Variants in DMD observed in about 807,000 individuals in gnomAD.
DMD encodes mutant dystrophin.
A neutral mutation model predicts 330.1 loss-of-function variants in DMD; 63 were observed. That is an observed-to-expected ratio of 0.19 (90% CI 0.16 to 0.24). The LOEUF is 0.24. Among genes scored for constraint, DMD ranks in the 10% least tolerant of loss-of-function variants. The probability of loss-of-function intolerance (pLI) is 1.00; values close to 1 mark genes in which losing one functional copy is unlikely to be tolerated. For missense variants in DMD, 3,344 were observed against 2,684.1 expected (o/e 1.25, Z -5.43); for synonymous variants, 1,223 against 959.8 (o/e 1.27, Z -5.07).
At chrX:32,016,501 TC>T (rs2095761785) in intron 44 of DMD, among the ~76,000 whole-genome samples, 1 of 111,833 alleles carries the variant, frequency 8.9e-6, no homozygotes, top group Non-Finnish European at 1.9e-5. Flanking sequence ...AGAGGCGGTA[TC>T]TAGCACATCT....
intron 51 of DMD, among the ~76,000 whole-genome samples, chrX:31,742,314 T>C (rs1448717507): frequency 8.8e-6 from 1 of 113,027 alleles, no homozygotes; most frequent in African/African-American, 3.2e-5. Flanking sequence ...GAGGTCTGGC[T>C]TTCAGCCTGT....
chrX:32,236,141 G>A (rs1400038160), intron 43 of DMD, among the ~76,000 whole-genome samples: 1 of 111,771 alleles, frequency 8.9e-6, no homozygotes, highest in African/African-American at 3.2e-5. Context: ...GTGAAGTGCT[G>A]AAAATCAGAC....
intron 50 of DMD, among the ~76,000 whole-genome samples, chrX:31,817,298 A>G (rs2092656175): frequency 8.9e-6 from 1 of 112,079 alleles, no homozygotes; most frequent in Non-Finnish European, 1.9e-5. Flanking sequence ...GAAGCATAAT[A>G]CAAATTAGAT....
Position 31,364,337 on chromosome X carries a change from T to C in DMD, c.9085-15703A>G, listed in dbSNP as rs142296114. ...TTTGGGCCATAAAGAGTCAAGCCCA[T>C]ACTTGACCAGTCTTTAAGCTCTCGG... On this transcript the variant is annotated intron_variant, in intron 60 of 78. Coordinates refer to ENST00000357033, the MANE Select transcript of DMD (RefSeq NM_004006.3). Among the ~76,000 whole-genome samples, 13,268 of 111,859 alleles carry C rather than the reference T, an allele frequency of 0.12. 835 individuals carry two copies. The highest frequency in any genetic ancestry group is 0.18 in the Non-Finnish European group (9,742 of 53,056).
rs186310244 is a variant in DMD, at chrX:32,577,932, A to G, written c.1603-4086T>C. Among the ~76,000 whole-genome samples the G allele has an allele frequency of 3.3e-3, 374 of 112,521 alleles. 1 individual carries two copies. The highest frequency in any genetic ancestry group is 0.011 in the African/African-American group (347 of 30,986). Reference sequence around the variant, plus strand: ...ATGCCATATGCACAAGTATAAATAGATAATACACGAAGTGCTTTAAATTTA... The same window carrying G: ...ATGCCATATGCACAAGTATAAATAGGTAATACACGAAGTGCTTTAAATTTA... On this transcript the variant is annotated intron_variant, in intron 13 of 78. Transcript: ENST00000357033.
At chrX:32,782,104 G>T (rs1169427703) in intron 7 of DMD, among the ~76,000 whole-genome samples, 1 of 111,320 alleles carries the variant, frequency 9.0e-6, no homozygotes, top group Non-Finnish European at 1.9e-5. Flanking sequence ...ACAATCTAAT[G>T]AAAACTTTGA....
intron 72 of DMD, among the ~76,000 whole-genome samples, chrX:31,172,716 CT>C (rs2040119445): frequency 9.0e-6 from 1 of 111,588 alleles, no homozygotes; most frequent in Non-Finnish European, 1.9e-5. Context: ...AAAAGCTTCC[CT>C]AACAATAAGT....
chrX:31,580,951 T>C (rs1340932775), intron 55 of DMD, among the ~76,000 whole-genome samples: 2 of 112,358 alleles, frequency 1.8e-5, no homozygotes, highest in Non-Finnish European at 3.8e-5. Flanking sequence ...TCAAGAATGT[T>C]GTTAAATGAG....
chrX:32,817,420 G>C (rs2077853852), intron 5 of DMD, among the ~76,000 whole-genome samples: 1 of 112,233 alleles, frequency 8.9e-6, no homozygotes, highest in Admixed American at 9.5e-5. Context: ...AGATTATCAA[G>C]TTTAATTCTT....
chrX:32,741,501 G>T (rs760377875), intron 7 of DMD, among the ~76,000 whole-genome samples: 4 of 111,689 alleles, frequency 3.6e-5, no homozygotes, highest in Non-Finnish European at 7.5e-5. Flanking sequence ...TGATATCCAT[G>T]AGTCCATAAG....
intron 66 of DMD, 37 bp downstream of exon 66, chrX:31,206,545 T>A: frequency 2.7e-6 from 3 of 1,112,198 alleles, no homozygotes; most frequent in Non-Finnish European, 3.7e-6. Flanking sequence ...TTAGCCAACA[T>A]TAATAAAAGA....
At position 31,707,777 on chromosome X, in the gene DMD, T is replaced by C. The variant is rs762641647; in HGVS notation, c.7660+21854A>G. ...AATTATCTACAAGGTACCACGTGTT[T>C]GCAAGCTTTCAGTTCACCTTTTAAT... On this transcript the variant is annotated intron_variant, in intron 52 of 78. Coordinates refer to ENST00000357033, the MANE Select transcript of DMD (RefSeq NM_004006.3). 4.5e-5 allele frequency among the ~76,000 whole-genome samples: 5 copies of C among 111,567 alleles called. No homozygotes were observed. The South Asian group carries it at 1.5e-3, about 34-fold the overall frequency.
chrX:31,657,134 T>A (rs1362448174), intron 54 of DMD, among the ~76,000 whole-genome samples: 1 of 111,945 alleles, frequency 8.9e-6, no homozygotes, highest in African/African-American at 3.2e-5. Context: ...ATGTCATATT[T>A]TGGAACTCAA....
At chrX:33,311,762 C>T (rs5927162) in intron 1 of DMD, among the ~76,000 whole-genome samples, 26,177 of 108,625 alleles carry the variant, frequency 0.24, 2,424 homozygotes, top group Admixed American at 0.29. Flanking sequence ...ATATAAATAA[C>T]AAAAATATAA....
intron 60 of DMD, among the ~76,000 whole-genome samples, chrX:31,432,511 G>C (rs7883354): frequency 0.11 from 12,003 of 112,274 alleles, 544 homozygotes; most frequent in East Asian, 0.33. Context: ...TTCGGAAGCA[G>C]TTTCACAGAC....
chrX:32,252,735 T>TATATAA (rs1569553632), intron 43 of DMD, among the ~76,000 whole-genome samples: 15 of 27,090 alleles, frequency 5.5e-4, no homozygotes, highest in East Asian at 2.6e-3. Flanking sequence ...AATATATAAA[T>TATATAA]ATATATATAA....
intron 52 of DMD, among the ~76,000 whole-genome samples, chrX:31,680,857 C>G (rs1281644084): frequency 9.0e-6 from 1 of 111,596 alleles, no homozygotes; most frequent in African/African-American, 3.3e-5. Flanking sequence ...TTCTATGCAA[C>G]TTCTCTAAGC....
chrX:31,303,051 C>T (rs1440083474), intron 62 of DMD, among the ~76,000 whole-genome samples: 1 of 112,063 alleles, frequency 8.9e-6, no homozygotes, highest in Non-Finnish European at 1.9e-5. Flanking sequence ...CCGATCCTCT[C>T]TGATGCCCCC....
At chrX:32,093,265 C>T (rs951496445) in intron 44 of DMD, among the ~76,000 whole-genome samples, 3 of 111,824 alleles carry the variant, frequency 2.7e-5, no homozygotes, top group Admixed American at 9.5e-5. Flanking sequence ...CACTGATGGA[C>T]GTTTAGGTTG....
Sources: allele counts gnomAD v4.1 joint callset (sites outside exome capture counted in the v4.1 genomes callset), GRCh38; gene constraint gnomAD v4.1.1; transcripts MANE v1.5; gene names NCBI Gene and HGNC (gene_info 2026-07-23, HGNC 2026-07-21).